Variants in SUPT3H observed in about 807,000 individuals in gnomAD.
SUPT3H encodes SPT3 homolog, SAGA and STAGA complex component, also known as transcription initiation protein SPT3 homolog.
SUPT3H carries 44 observed loss-of-function variants against 44.3 expected under a neutral mutation model. The ratio of observed to expected loss-of-function variants is 0.99; its 90% CI spans 0.78 to 1.28. The LOEUF (loss-of-function observed/expected upper bound fraction) is 1.28. Ranked by LOEUF, SUPT3H falls within the 50% of genes most tolerant of loss-of-function variation. The probability of loss-of-function intolerance (pLI) is 0.00; values close to 1 mark genes in which losing one functional copy is unlikely to be tolerated. For synonymous variants in SUPT3H, 124 were observed against 125.6 expected (o/e 0.99, Z 0.09); for missense variants, 380 against 387.1 (o/e 0.98, Z 0.15).
At chr6:44,962,564 A>T (rs929503685) in intron 6 of SUPT3H, among the ~76,000 whole-genome samples, 46 of 106,592 alleles carry the variant, frequency 4.3e-4, no homozygotes, top group African/African-American at 1.7e-3. Flanking sequence ...AAGAAAAAAA[A>T]AAATCCCTGA....
At chr6:44,857,211 T>C (rs3799974) in intron 10 of SUPT3H, among the ~76,000 whole-genome samples, 23,056 of 152,170 alleles carry the variant, frequency 0.15, 2,239 homozygotes, top group Admixed American at 0.27. Flanking sequence ...CCAGATGTTC[T>C]GAAAATACAA....
intron 9 of SUPT3H, among the ~76,000 whole-genome samples, chr6:44,940,050 A>G (rs1772147169): frequency 6.6e-6 from 1 of 151,206 alleles, no homozygotes; most frequent in Non-Finnish European, 1.5e-5. Context: ...ATTTTTATTT[A>G]GTGCTGCTCA....
chr6:45,346,100 A>G (rs1353073166), intron 2 of SUPT3H, among the ~76,000 whole-genome samples: 1 of 152,114 alleles, frequency 6.6e-6, no homozygotes, highest in Non-Finnish European at 1.5e-5. Flanking sequence ...AAACTCTCTG[A>G]TCCACCTCCA....
intron 2 of SUPT3H, among the ~76,000 whole-genome samples, chr6:45,245,678 T>C (rs1157430297): frequency 6.6e-6 from 1 of 152,154 alleles, no homozygotes; most frequent in African/African-American, 2.4e-5. Context: ...TTTTATCCAT[T>C]CATCCACTGA....
intron 2 of SUPT3H, among the ~76,000 whole-genome samples, chr6:45,234,049 A>G (rs944727606): frequency 1.3e-5 from 2 of 152,212 alleles, no homozygotes; most frequent in African/African-American, 4.8e-5. Flanking sequence ...AATATGTACT[A>G]AATTCTAAAC....
chr6:44,838,207 A>T (rs1403241226), intron 10 of SUPT3H, among the ~76,000 whole-genome samples: 1 of 152,226 alleles, frequency 6.6e-6, no homozygotes, highest in African/African-American at 2.4e-5. Context: ...AAAGGCTGAG[A>T]AATGATAGAG....
intron 2 of SUPT3H, among the ~76,000 whole-genome samples, chr6:45,311,487 A>T (rs922560734): frequency 6.6e-6 from 1 of 152,232 alleles, no homozygotes; most frequent in African/African-American, 2.4e-5. Flanking sequence ...CATCACAAAA[A>T]GATCAATGTC....
chr6:45,010,001 T>C (rs774979376), intron 5 of SUPT3H, among the ~76,000 whole-genome samples: 7 of 152,084 alleles, frequency 4.6e-5, no homozygotes, highest in African/African-American at 7.2e-5. Context: ...CATTACTATC[T>C]AGGCCTTCTT....
intron 2 of SUPT3H, among the ~76,000 whole-genome samples, chr6:45,126,113 T>C (rs1301358078): frequency 6.6e-6 from 1 of 152,196 alleles, no homozygotes; most frequent in Non-Finnish European, 1.5e-5. Flanking sequence ...GGGCTGCCTA[T>C]CAAGCACAGT....
chr6:44,885,001 T>A (rs544768142), intron 10 of SUPT3H, among the ~76,000 whole-genome samples: 1 of 151,596 alleles, frequency 6.6e-6, no homozygotes, highest in Non-Finnish European at 1.5e-5. Context: ...GCCCACGGAG[T>A]CTGGCTGATT....
At chr6:45,053,824 A>C (rs1004260312) in intron 3 of SUPT3H, among the ~76,000 whole-genome samples, 2 of 150,000 alleles carry the variant, frequency 1.3e-5, no homozygotes, top group Admixed American at 1.3e-4. Flanking sequence ...CTGAGGCAGT[A>C]GAATGGCATG....
At chr6:44,997,043 A>C (rs1025335282) in intron 6 of SUPT3H, among the ~76,000 whole-genome samples, 3 of 151,634 alleles carry the variant, frequency 2.0e-5, no homozygotes, top group Non-Finnish European at 4.4e-5. Flanking sequence ...AGTTTCATGG[A>C]ATCTTATATT....
At chr6:45,323,323 CAGTG>C (rs1385511905) in intron 2 of SUPT3H, among the ~76,000 whole-genome samples, 104 of 152,188 alleles carry the variant, frequency 6.8e-4, no homozygotes, top group African/African-American at 2.5e-3. Flanking sequence ...GCTAAGAGCA[CAGTG>C]GATTAAGATT....
chr6:45,129,296 T>C (rs1460232038), intron 2 of SUPT3H, among the ~76,000 whole-genome samples: 1 of 152,226 alleles, frequency 6.6e-6, no homozygotes, highest in Non-Finnish European at 1.5e-5. Context: ...ACTACTGATG[T>C]ATGTTCTACA....
In SUPT3H at chr6:44,828,569, C is replaced by T. The variant is rs1259915720; in HGVS notation, c.*1247G>A. Among the ~76,000 whole-genome samples the T allele has an allele frequency of 3.9e-5, 6 of 152,116 alleles. No homozygotes were observed. In the East Asian group the frequency reaches 5.8e-4, roughly 15 times the overall value. ...TATAAGAAGGCAGGAAAGCTAATGACATAACCTCTAAATGGCATGTTCAGA... is the reference window on the plus strand; with the variant it reads ...TATAAGAAGGCAGGAAAGCTAATGATATAACCTCTAAATGGCATGTTCAGA... On this transcript the variant is annotated 3_prime_UTR_variant, in exon 11 of 11. Coordinates refer to ENST00000371459, the MANE Select transcript of SUPT3H (RefSeq NM_003599.4).
chr6:45,226,872 G>A (rs1194833741), intron 2 of SUPT3H, among the ~76,000 whole-genome samples: 1 of 152,088 alleles, frequency 6.6e-6, no homozygotes, highest in Non-Finnish European at 1.5e-5. Context: ...TGTGGCAAGT[G>A]CCTGTAGTCC....
chr6:44,988,446 T>C (rs1363241406), intron 6 of SUPT3H, among the ~76,000 whole-genome samples: 2 of 145,898 alleles, frequency 1.4e-5, no homozygotes, highest in Non-Finnish European at 3.0e-5. Context: ...CTATATATTT[T>C]AAATATTATA....
chr6:44,957,480 C>G (rs1775382505), intron 7 of SUPT3H, among the ~76,000 whole-genome samples: 1 of 152,060 alleles, frequency 6.6e-6, no homozygotes, highest in South Asian at 2.1e-4. Flanking sequence ...AGTTAACAGG[C>G]AGCAATTTGG....
intron 2 of SUPT3H, among the ~76,000 whole-genome samples, chr6:45,214,312 G>A (rs1764666158): frequency 6.6e-6 from 1 of 152,094 alleles, no homozygotes; most frequent in African/African-American, 2.4e-5. Context: ...ATTGCCAAAT[G>A]GGAATGTAAT....
Sources: allele counts gnomAD v4.1 joint callset (sites outside exome capture counted in the v4.1 genomes callset), GRCh38; gene constraint gnomAD v4.1.1; transcripts MANE v1.5; gene names NCBI Gene and HGNC (gene_info 2026-07-23, HGNC 2026-07-21).